Variants in NRG1 observed in about 807,000 individuals in gnomAD.
NRG1 encodes the protein neuregulin 1.
Under a neutral mutation model 63.8 loss-of-function variants are expected in NRG1, and 18 were observed. The observed-to-expected ratio is 0.28, with a 90% confidence interval of 0.19 to 0.42. The LOEUF (loss-of-function observed/expected upper bound fraction) is 0.42. Ranked by LOEUF, NRG1 falls within the 10% of genes least tolerant of loss-of-function variation. The pLI is 1.00. For missense variants in NRG1, 762 were observed against 814.7 expected (o/e 0.94, Z 0.79); for synonymous variants, 302 against 301.3 (o/e 1.00, Z -0.02).
intron 1 of NRG1, among the ~76,000 whole-genome samples, chr8:32,344,410 CGTGCATGCATGT>C (rs1395931223): frequency 1.7e-5 from 1 of 57,654 alleles, no homozygotes; most frequent in Non-Finnish European, 3.4e-5. Flanking sequence ...TGCATGCATG[CGTGCATGCATGT>C]GTGTGTGTGT....
chr8:31,837,438 A>G (rs557127148), intron 1 of NRG1, among the ~76,000 whole-genome samples: 2 of 152,158 alleles, frequency 1.3e-5, no homozygotes, highest in East Asian at 3.9e-4. Context: ...ATACATGTAC[A>G]TATTGTGAAA....
chr8:32,323,679 G>A (rs969785457), intron 1 of NRG1, among the ~76,000 whole-genome samples: 3 of 152,240 alleles, frequency 2.0e-5, no homozygotes, highest in African/African-American at 7.2e-5. Flanking sequence ...TTACTTGTTG[G>A]AATTTGATTC....
At chr8:32,313,923 T>C (rs975866753) in intron 1 of NRG1, among the ~76,000 whole-genome samples, 14 of 152,176 alleles carry the variant, frequency 9.2e-5, no homozygotes, top group African/African-American at 3.4e-4. Flanking sequence ...TTTTGTATTT[T>C]AAATAAAATA....
intron 1 of NRG1, among the ~76,000 whole-genome samples, chr8:31,952,796 C>T (rs1388198743): frequency 6.6e-6 from 1 of 152,190 alleles, no homozygotes; most frequent in African/African-American, 2.4e-5. Context: ...CTGCTGAAAC[C>T]TTGTGGACTT....
intron 1 of NRG1, among the ~76,000 whole-genome samples, chr8:32,160,598 G>A (rs1210964827): frequency 1.3e-5 from 2 of 152,194 alleles, no homozygotes; most frequent in African/African-American, 4.8e-5. Flanking sequence ...GTGTGCACAC[G>A]CATGTGTGTG....
chr8:32,016,729 T>C lies in NRG1; in HGVS notation c.37+377298T>C, dbSNP rs537391249. 3.3e-4 allele frequency among the ~76,000 whole-genome samples: 50 copies of C among 152,236 alleles called. 1 individual carries two copies. Among genetic ancestry groups the C allele is most frequent in the Non-Finnish European group, 6.0e-4 (41 of 68,008 alleles). On this transcript the variant is annotated intron_variant, in intron 1 of 10. Coordinates refer to the NRG1 transcript ENST00000519301. ...TTCCATTCCCAATTTAAATGTTGGATATAATAACCAGCCATATTAAAGGCC... is the reference window on the plus strand; with the variant it reads ...TTCCATTCCCAATTTAAATGTTGGACATAATAACCAGCCATATTAAAGGCC...
chr8:32,265,850 A>G (rs1461723970), intron 1 of NRG1, among the ~76,000 whole-genome samples: 1 of 152,192 alleles, frequency 6.6e-6, no homozygotes, highest in East Asian at 1.9e-4. Flanking sequence ...CTTTAAAAAA[A>G]TAATAAAAAT....
intron 1 of NRG1, among the ~76,000 whole-genome samples, chr8:32,263,977 C>T (rs1257089894): frequency 1.3e-5 from 2 of 152,132 alleles, no homozygotes; most frequent in African/African-American, 4.8e-5. Context: ...GATCTTTTAG[C>T]CCTACCCCCT....
At chr8:32,530,359 G>A (rs1256679307) in intron 1 of NRG1, among the ~76,000 whole-genome samples, 3 of 151,976 alleles carry the variant, frequency 2.0e-5, no homozygotes, top group East Asian at 1.9e-4. Context: ...CGCCCGCCTC[G>A]GCCTCCCAAA....
intron 5 of NRG1, among the ~76,000 whole-genome samples, chr8:32,637,683 A>G (rs977012295): frequency 6.6e-6 from 1 of 152,050 alleles, no homozygotes; most frequent in Admixed American, 6.6e-5. Context: ...TTTATTCTAT[A>G]CTTTCCTATG....
At chr8:32,574,689 AG>A in intron 1 of NRG1, among the ~76,000 whole-genome samples, 1 of 152,262 alleles carries the variant, frequency 6.6e-6, no homozygotes, top group East Asian at 1.9e-4. Flanking sequence ...AAGCTCCCTG[AG>A]GCTTCACCAG....
chr8:32,688,287 G>A (rs772050720), intron 5 of NRG1, among the ~76,000 whole-genome samples: 6 of 152,072 alleles, frequency 3.9e-5, no homozygotes, highest in African/African-American at 7.2e-5. Context: ...CTTTTCCCAC[G>A]TAAGCCGCTC....
intron 1 of NRG1, among the ~76,000 whole-genome samples, chr8:31,760,886 C>T (rs939289659): frequency 3.5e-4 from 54 of 152,152 alleles, no homozygotes; most frequent in African/African-American, 7.9e-4. Flanking sequence ...TTGTGGAAGT[C>T]ACTGTGGCGA....
At chr8:32,664,784 G>A (rs921805742) in intron 5 of NRG1, among the ~76,000 whole-genome samples, 3 of 152,162 alleles carry the variant, frequency 2.0e-5, no homozygotes, top group Admixed American at 6.6e-5. Context: ...ACGATTCCAT[G>A]CACATTAGTA....
At chr8:32,401,067 C>A (rs1813123792) in intron 1 of NRG1, among the ~76,000 whole-genome samples, 1 of 152,070 alleles carries the variant, frequency 6.6e-6, no homozygotes, top group Non-Finnish European at 1.5e-5. Flanking sequence ...TGCATATTCT[C>A]ACTCATAAGT....
exon 12 of NRG1, chr8:32,764,921 C>G (rs993468539): frequency 6.6e-6 from 1 of 152,336 alleles, no homozygotes; most frequent in Non-Finnish European, 1.5e-5. Context: ...AAAGGTTTGC[C>G]TCATTGGGCT....
intron 1 of NRG1, among the ~76,000 whole-genome samples, chr8:32,094,308 C>G (rs1829599722): frequency 6.6e-6 from 1 of 152,166 alleles, no homozygotes; most frequent in Admixed American, 6.5e-5. Flanking sequence ...AAGTAAGCGA[C>G]TTGGCTAGGA....
chr8:32,434,551 G>T (rs1383234929), intron 1 of NRG1, among the ~76,000 whole-genome samples: 1 of 152,090 alleles, frequency 6.6e-6, no homozygotes, highest in African/African-American at 2.4e-5. Context: ...CCACCACTGG[G>T]AGTTACAGCC....
intron 1 of NRG1, among the ~76,000 whole-genome samples, chr8:31,732,129 G>A (rs1373196192): frequency 1.3e-5 from 2 of 152,150 alleles, no homozygotes; most frequent in South Asian, 2.1e-4. Context: ...TCTTGGTGAT[G>A]ACAGCAGGGA....
Sources: gnomAD v4.1 joint callset for allele counts (sites outside exome capture counted in the v4.1 genomes callset) on GRCh38, gnomAD v4.1.1 for gene constraint, MANE v1.5 for transcripts, NCBI Gene and HGNC (gene_info 2026-07-23, HGNC 2026-07-21) for gene names.